SH3BP4: variants seen among roughly 807,000 people sequenced by gnomAD.
SH3BP4 encodes SH3 domain binding protein 4, also known as SH3 domain-binding protein 4.
Under a neutral mutation model 65.5 loss-of-function variants are expected in SH3BP4, and 33 were observed. The ratio of observed to expected loss-of-function variants is 0.50; its 90% CI spans 0.38 to 0.67. The LOEUF (loss-of-function observed/expected upper bound fraction) is 0.67. Among genes scored for constraint, SH3BP4 ranks in the 30% least tolerant of loss-of-function variants. SH3BP4 has a pLI of 0.00. For missense variants in SH3BP4, 1,134 were observed against 1,261.4 expected (o/e 0.90, Z 1.53); for synonymous variants, 552 against 545.5 (o/e 1.01, Z -0.17).
In SH3BP4 at chr2:235,045,029, G is replaced by C. The variant is rs922183960; in HGVS notation, c.2478+1782G>C. On this transcript the variant is annotated intron_variant, in intron 4 of 5. Transcript: ENST00000392011. The surrounding 1 kb of genome is among the most constrained non-coding windows in gnomAD (Gnocchi z 4.3). ...CCCCATGTGGGGTCACCTGCAGGGA[G>C]GGGATGGCCTGCGTCCCTCCCATCA... Among the ~76,000 whole-genome samples, 6 of 152,194 alleles carry C rather than the reference G, an allele frequency of 3.9e-5. No homozygotes were observed. Among genetic ancestry groups the C allele is most frequent in the African/African-American group, 1.4e-4 (6 of 41,458 alleles).
At position 235,032,713 on chromosome 2, in the gene SH3BP4, TGCTGTGCCGTCAGC is replaced by T. The variant is rs567177407; in HGVS notation, c.-132-2153_-132-2140del. Among the ~76,000 whole-genome samples the T allele has an allele frequency of 1.2e-3, 183 of 152,146 alleles. 1 individual carries two copies. Among genetic ancestry groups the T allele is most frequent in the Middle Eastern group, 0.01 (3 of 294 alleles). ...CACTGCTTCTGGTAGGGGGCGAGGG[TGCTGTGCCGTCAGC>T]GCTGAGCCTCAGCGTGCCAGACCCC... is the stretch of plus-strand genomic sequence containing the variant. On this transcript the variant is annotated intron_variant, in intron 2 of 5. Transcript: ENST00000392011.
chr2:235,041,203 G>T lies in SH3BP4; in HGVS notation c.434G>T (p.Trp145Leu). The T allele has an allele frequency of 6.2e-7, 1 of 1,614,106 alleles. No individual in the cohort carries two copies. The highest frequency in any genetic ancestry group is 8.5e-7 in the Non-Finnish European group (1 of 1,180,016). The change falls in exon 4 of 6, where the codon TGG (tryptophan) becomes TTG (leucine). Residue 145 changes from tryptophan (W) to leucine (L), a missense_variant. Coordinates refer to ENST00000392011, the MANE Select transcript of SH3BP4 (RefSeq NM_014521.3). The surrounding 1 kb of genome is among the most constrained non-coding windows in gnomAD (Gnocchi z 6.0). ...VAKELELLGGWTDDKKVPGRM... is the reference protein window; with the variant it reads ...VAKELELLGGLTDDKKVPGRM... ...AAGGAGCTGGAGCTGCTCGGGGGAT[G>T]GACAGATGACAAAAAAGTACCAGGC... is the stretch of plus-strand genomic sequence containing the variant.
At chr2:235,050,986 A>T (rs778630573) in intron 4 of SH3BP4, among the ~76,000 whole-genome samples, 2 of 152,112 alleles carry the variant, frequency 1.3e-5, no homozygotes, top group African/African-American at 4.8e-5. Context: ...GGCTCACGGG[A>T]GCCTCAGAAA....
intron 4 of SH3BP4, among the ~76,000 whole-genome samples, chr2:235,044,979 A>T (rs1459083195): frequency 6.6e-6 from 1 of 152,192 alleles, no homozygotes; most frequent in Non-Finnish European, 1.5e-5. Context: ...GGAAGCGAAC[A>T]AACGCAGCAG....
At chr2:234,960,157 ATACT>A (rs1219312496) in intron 1 of SH3BP4, among the ~76,000 whole-genome samples, 1 of 152,234 alleles carries the variant, frequency 6.6e-6, no homozygotes, top group Non-Finnish European at 1.5e-5. Context: ...AGCTGATGTA[ATACT>A]TACACATAAT....
At chr2:234,956,320 G>A (rs1449035068) in intron 1 of SH3BP4, among the ~76,000 whole-genome samples, 1 of 152,182 alleles carries the variant, frequency 6.6e-6, no homozygotes, top group East Asian at 1.9e-4. Flanking sequence ...TAAGATTATA[G>A]GAAGGCGGTT....
chr2:234,962,988 G>A (rs542225163), intron 1 of SH3BP4, among the ~76,000 whole-genome samples: 2 of 152,114 alleles, frequency 1.3e-5, no homozygotes, highest in Non-Finnish European at 2.9e-5. Context: ...GATCCCAAGC[G>A]ATCCAACTGC....
chr2:235,032,626 C>T (rs535154100), intron 2 of SH3BP4, among the ~76,000 whole-genome samples: 6 of 151,880 alleles, frequency 4.0e-5, no homozygotes, highest in South Asian at 4.2e-4. Flanking sequence ...TGGTCTCTCA[C>T]GTGGCGGCAA....
In SH3BP4 at chr2:234,997,830, A is replaced by C. The variant is rs1325301082; in HGVS notation, c.-133+2454A>C. ...AGTTCAAGTTCAGAGGGTGATTAAGAAGAATCAGAAGACTGGGTGCGGTGG... is the reference window on the plus strand; with the variant it reads ...AGTTCAAGTTCAGAGGGTGATTAAGCAGAATCAGAAGACTGGGTGCGGTGG... On this transcript the variant is annotated intron_variant, in intron 2 of 5. Coordinates refer to ENST00000392011, the MANE Select transcript of SH3BP4 (RefSeq NM_014521.3). The surrounding 1 kb of genome is among the most constrained non-coding windows in gnomAD (Gnocchi z 4.2). 2.0e-5 allele frequency among the ~76,000 whole-genome samples: 3 copies of C among 152,212 alleles called. No individual in the cohort carries two copies. The highest frequency in any genetic ancestry group is 7.2e-5 in the African/African-American group (3 of 41,456).
intron 1 of SH3BP4, among the ~76,000 whole-genome samples, chr2:234,965,790 A>T (rs1692820910): frequency 6.6e-6 from 1 of 152,156 alleles, no homozygotes; most frequent in East Asian, 1.9e-4. Context: ...AACATTCGGG[A>T]CAAAATTCTG....
chr2:234,960,585 T>G (rs1692682506), intron 1 of SH3BP4, among the ~76,000 whole-genome samples: 1 of 152,212 alleles, frequency 6.6e-6, no homozygotes, highest in Non-Finnish European at 1.5e-5. Context: ...TGTATCTTAT[T>G]GGAGCCACCT....
rs1692940525 is a variant in SH3BP4, at chr2:234,969,953, TCTCTCACACACACACA to T, written c.-207+17797_-207+17812del. ...CATTTGCATACACACACACTCCCTG[TCTCTCACACACACACA>T]CTCTCACACACACTCCCACATACAC... On this transcript the variant is annotated intron_variant, in intron 1 of 5. Coordinates refer to ENST00000392011, the MANE Select transcript of SH3BP4 (RefSeq NM_014521.3). 5.5e-5 allele frequency among the ~76,000 whole-genome samples: 8 copies of T among 146,198 alleles called. No homozygotes were observed. The South Asian group carries it at 1.7e-3, about 31-fold the overall frequency.
chr2:235,048,320 A>T (rs58090091), intron 4 of SH3BP4, among the ~76,000 whole-genome samples: 32,493 of 152,090 alleles, frequency 0.21, 3,849 homozygotes, highest in East Asian at 0.42. Context: ...TTTGTACTTT[A>T]TAAGAGTATT....
intron 1 of SH3BP4, among the ~76,000 whole-genome samples, chr2:234,969,862 C>G (rs1692935636): frequency 6.6e-6 from 1 of 152,146 alleles, no homozygotes; most frequent in Non-Finnish European, 1.5e-5. Flanking sequence ...CCCTCTTTCT[C>G]TGTCTCTCTC....
chr2:235,035,816 C>T lies in SH3BP4; in HGVS notation c.118+696C>T, dbSNP rs183315896. ...GACACCAAGGTGAATACTAGCAGGT[C>T]ATTTTCTTCCTGCACATCTGCCCTA... On this transcript the variant is annotated intron_variant, in intron 3 of 5. Transcript: ENST00000392011. This position sits in a 1 kb window ranked among gnomAD's most constrained non-coding sequence, Gnocchi z 5.0. Among the ~76,000 whole-genome samples, 1 of 152,222 alleles carries T rather than the reference C, an allele frequency of 6.6e-6. No homozygotes were observed. The highest frequency in any genetic ancestry group is 1.5e-5 in the Non-Finnish European group (1 of 68,042).
intron 4 of SH3BP4, among the ~76,000 whole-genome samples, chr2:235,047,512 G>A (rs1323540738): frequency 6.6e-6 from 1 of 152,232 alleles, no homozygotes; most frequent in Admixed American, 6.5e-5. Flanking sequence ...AGCTTTTTAA[G>A]AATCAGAAAA....
chr2:235,040,835 G>A (rs1041861809), intron 3 of SH3BP4, 53 bp from the exon 4 acceptor site: 28 of 1,520,748 alleles, frequency 1.8e-5, no homozygotes, highest in East Asian at 1.4e-4. Flanking sequence ...GAAGCTCTCC[G>A]GACACCCCGC....
chr2:235,042,750 T>C lies in SH3BP4; in HGVS notation c.1981T>C (p.Leu661=). Residue 661 remains leucine, a synonymous_variant, in exon 4 of 6, where the codon TTG becomes CTG. Transcript: ENST00000392011. The surrounding 1 kb of genome is among the most constrained non-coding windows in gnomAD (Gnocchi z 7.3). ...RPVSSLKFGK[L]LKTVVRQNKN... is the part of the protein sequence containing the mutation. ...GGTGTCCAGCCTCAAGTTTGGTAAG[T>C]TGCTCAAGACTGTGGTGCGGCAGAA... is the stretch of plus-strand genomic sequence containing the variant. 1.9e-6 allele frequency: 3 copies of C among 1,614,162 alleles called. No individual in the cohort carries two copies. In the African/African-American group the frequency reaches 4.0e-5, roughly 22 times the overall value.
At position 235,005,789 on chromosome 2, in the gene SH3BP4, C is replaced by T. The variant is rs1261236273; in HGVS notation, c.-133+10413C>T. Among the ~76,000 whole-genome samples the T allele has an allele frequency of 3.3e-5, 5 of 152,288 alleles. No homozygotes were observed. In the East Asian group the frequency reaches 9.7e-4, roughly 29 times the overall value. The stretch of plus-strand genomic sequence containing the variant: ...CTTACAAAATGCAGTGGGGGCAGAA[C>T]GAGAGGAGAGCCAGAGCATGCTGGC... On this transcript the variant is annotated intron_variant, in intron 2 of 5. Coordinates refer to ENST00000392011, the MANE Select transcript of SH3BP4 (RefSeq NM_014521.3).
Sources: gnomAD v4.1 joint callset for allele counts (sites outside exome capture counted in the v4.1 genomes callset) on GRCh38, gnomAD v4.1.1 for gene constraint, Gnocchi (gnomAD v3.1) non-coding constraint, MANE v1.5 for transcripts, NCBI Gene and HGNC (gene_info 2026-07-23, HGNC 2026-07-21) for gene names.